ZNF623: variants seen among roughly 807,000 people sequenced by gnomAD.
ZNF623 encodes the protein zinc finger protein 623.
In ZNF623, 16 loss-of-function variants were observed where a neutral mutation model predicts 24.0. That is an observed-to-expected ratio of 0.67 (90% CI 0.45 to 1.01). ZNF623 has a LOEUF of 1.01. Ranked by LOEUF, ZNF623 falls within the 50% of genes least tolerant of loss-of-function variation. The pLI is 0.00. For synonymous variants in ZNF623, 224 were observed against 219.8 expected, an observed-to-expected ratio of 1.02 and a Z score of -0.17; for missense variants, 566 against 606.5, an observed-to-expected ratio of 0.93 and a Z score of 0.70.
At chr8:143,641,171 T>TCCTCC (rs1173475210) in intron 1 of ZNF623, among the ~76,000 whole-genome samples, 2 of 152,162 alleles carry the variant, frequency 1.3e-5, no homozygotes, top group African/African-American at 4.8e-5. Context: ...TGTTTTGACC[T>TCCTCC]CCTCCCATAA....
Position 143,650,426 on chromosome 8 carries a change from G to T in ZNF623, c.434G>T (p.Gly145Val). The T allele has an allele frequency of 6.2e-7, 1 of 1,614,132 alleles. No homozygotes were observed. Among genetic ancestry groups the T allele is most frequent in the South Asian group, 1.1e-5 (1 of 91,078 alleles). Residue 145 changes from glycine (G) to valine (V), a missense_variant, in exon 2 of 2, where the codon GGG becomes GTG. Gly to Val is a moderately radical substitution (Grantham distance 109, BLOSUM62 -3). Transcript: ENST00000526926. The surrounding 1 kb of genome is among the most constrained non-coding windows in gnomAD (Gnocchi z 5.2). Reference protein sequence around the residue: ...GERLYVCNVCGKDFIHYSGLI... With the variant: ...GERLYVCNVCVKDFIHYSGLI... ...AGACTCTACGTCTGTAATGTGTGTG[G>T]GAAAGACTTCATTCACTATTCAGGT...
At chr8:143,637,153 C>G (rs572507467) in intron 1 of ZNF623, among the ~76,000 whole-genome samples, 1 of 152,348 alleles carries the variant, frequency 6.6e-6, no homozygotes, top group South Asian at 2.1e-4. Context: ...TTCTTACCTC[C>G]CTGAACTTCC....
intron 1 of ZNF623, among the ~76,000 whole-genome samples, chr8:143,643,912 C>CTGCAGGGTAGGCTTGCAGTTTCTCT (rs1815115148): frequency 6.6e-6 from 1 of 152,214 alleles, no homozygotes; most frequent in African/African-American, 2.4e-5. Flanking sequence ...CTACAGACTT[C>CTGCAGGGTAGGCTTGCAGTTTCTCT]TGCAGGGTAG....
At position 143,651,162 on chromosome 8, in the gene ZNF623, C is replaced by T. The variant is rs764557963; in HGVS notation, c.1170C>T (p.Pro390=). The change falls in exon 2 of 2, where the codon CCC becomes CCT. Residue 390 remains proline (P), a synonymous_variant. Coordinates refer to ENST00000526926, the MANE Select transcript of ZNF623 (RefSeq NM_001261843.2). ...AGAAGATCCACTCTGGGGACAGGCC[C>T]TTCGAATGTAAAGACTGTGGGAAAG... ...EHQKIHSGDR[P]FECKDCGKAF... The T allele has an allele frequency of 6.2e-7, 1 of 1,613,966 alleles. No homozygotes were observed. The highest frequency in any genetic ancestry group is 8.5e-7 in the Non-Finnish European group (1 of 1,180,016).
At chr8:143,640,769 C>T (rs769469908) in intron 1 of ZNF623, among the ~76,000 whole-genome samples, 3 of 151,840 alleles carry the variant, frequency 2.0e-5, no homozygotes, top group Admixed American at 6.6e-5. Flanking sequence ...AGCCAAATCC[C>T]GTCTCTACTA....
intron 1 of ZNF623, among the ~76,000 whole-genome samples, chr8:143,642,096 C>T (rs1001370736): frequency 1.3e-5 from 2 of 152,214 alleles, no homozygotes; most frequent in African/African-American, 4.8e-5. Flanking sequence ...GTTTTATCCA[C>T]ACTGAAAATC....
At chr8:143,637,723 T>C (rs1352471164) in intron 1 of ZNF623, among the ~76,000 whole-genome samples, 2 of 152,158 alleles carry the variant, frequency 1.3e-5, no homozygotes, top group African/African-American at 4.8e-5. Context: ...CTAATTTTTG[T>C]ATTTTTAGTA....
In ZNF623 at chr8:143,650,589, G is replaced by C; in HGVS notation, c.597G>C (p.Glu199Asp). The change falls in exon 2 of 2, where the codon GAG becomes GAC. Residue 199 changes from glutamate to aspartate, a missense_variant. Transcript: ENST00000526926. This position sits in a 1 kb window ranked among gnomAD's most constrained non-coding sequence, Gnocchi z 5.2. ...HTRERPFECKECGKGFSQSSL... is the reference protein window; with the variant it reads ...HTRERPFECKDCGKGFSQSSL... Reference sequence around the variant, plus strand: ...GAGAGAGACCTTTTGAATGCAAAGAGTGTGGGAAAGGCTTCAGTCAGAGCT... The same window carrying C: ...GAGAGAGACCTTTTGAATGCAAAGACTGTGGGAAAGGCTTCAGTCAGAGCT... 1 of 1,614,188 alleles carries C rather than the reference G, an allele frequency of 6.2e-7. No individual in the cohort carries two copies. The highest frequency in any genetic ancestry group is 8.5e-7 in the Non-Finnish European group (1 of 1,180,034).
At chr8:143,641,110 C>G (rs1296996062) in intron 1 of ZNF623, among the ~76,000 whole-genome samples, 1 of 152,178 alleles carries the variant, frequency 6.6e-6, no homozygotes, top group African/African-American at 2.4e-5. Flanking sequence ...TCAAACCCCT[C>G]AAAGATTCAT....
At chr8:143,636,178 C>T (rs1431600603) in intron 1 of ZNF623, 33 bp downstream of exon 1, 1 of 152,066 alleles carries the variant, frequency 6.6e-6, no homozygotes, top group Non-Finnish European at 1.5e-5. Flanking sequence ...GGGCGGGCAA[C>T]GCCTTAGCCG....
intron 1 of ZNF623, among the ~76,000 whole-genome samples, chr8:143,647,153 T>TG (rs1815194482): frequency 7.5e-6 from 1 of 133,706 alleles, no homozygotes; most frequent in Non-Finnish European, 1.5e-5. Flanking sequence ...TGCTGTTTTT[T>TG]TTTTTTTTGT....
At position 143,650,880 on chromosome 8, in the gene ZNF623, G is replaced by C; in HGVS notation, c.888G>C (p.Gln296His). Residue 296 changes from glutamine (Q) to histidine (H), a missense_variant, in exon 2 of 2, where the codon CAG (glutamine) becomes CAC (histidine). This residue lies in a region of ZNF623 where 117 missense variants were observed against 174.2 expected (regional missense o/e 0.67). Transcript: ENST00000526926. The surrounding 1 kb of genome is among the most constrained non-coding windows in gnomAD (Gnocchi z 5.2). ...TTATTCGGAGTTCAAAGCTCATTCA[G>C]CATCAGAGGATCCATACTGGGGAGA... ...KAFIRSSKLI[Q>H]HQRIHTGERP... 1 of 1,614,118 alleles carries C rather than the reference G, an allele frequency of 6.2e-7. No individual in the cohort carries two copies.
intron 1 of ZNF623, among the ~76,000 whole-genome samples, chr8:143,641,284 GC>G (rs1258286896): frequency 6.6e-6 from 1 of 152,200 alleles, no homozygotes; most frequent in African/African-American, 2.4e-5. Flanking sequence ...GGCACCTACA[GC>G]CTTGTGAAAC....
intron 1 of ZNF623, among the ~76,000 whole-genome samples, chr8:143,641,359 G>C (rs1479654819): frequency 9.2e-5 from 14 of 151,972 alleles, no homozygotes; most frequent in Non-Finnish European, 1.5e-5. Context: ...AATGCACGTT[G>C]TGTTGGCAAA....
In ZNF623 at chr8:143,652,699, C is replaced by T. The variant is rs916005556; in HGVS notation, c.*1216C>T. 1 of 167,114 alleles carries T rather than the reference C, an allele frequency of 6.0e-6. No homozygotes were observed. Among genetic ancestry groups the T allele is most frequent in the Admixed American group, 6.5e-5 (1 of 15,276 alleles). 10.4% of individuals were successfully genotyped at this position (167,114 alleles called of 1,614,324 possible). On this transcript the variant is annotated 3_prime_UTR_variant, in exon 2 of 2. Coordinates refer to ENST00000526926, the MANE Select transcript of ZNF623 (RefSeq NM_001261843.2). ...GGCAGGTCTCAAGAGAAGGTCTTTA[C>T]TTACTTGTCTGTATCTTTCTGTCTC... is the stretch of plus-strand genomic sequence containing the variant.
At chr8:143,640,514 C>T (rs1223771139) in intron 1 of ZNF623, among the ~76,000 whole-genome samples, 1 of 152,244 alleles carries the variant, frequency 6.6e-6, no homozygotes, top group Non-Finnish European at 1.5e-5. Context: ...GCCTCTCAAA[C>T]CCTGCCTGTG....
rs1815156327 is a variant in ZNF623 at position 143,645,441 on chromosome 8, A to AG, written c.-95-4457_-95-4456insG. 3.9e-5 allele frequency among the ~76,000 whole-genome samples: 6 copies of AG among 152,116 alleles called. No individual in the cohort carries two copies. The South Asian group carries it at 1.0e-3, about 26-fold the overall frequency. ...ATCGAGACTCCATCTCAAAAAAAAAAAAAAGACAAATCCTCAGACTTGAGG... is the reference window on the plus strand; with the variant it reads ...ATCGAGACTCCATCTCAAAAAAAAAAGAAAAGACAAATCCTCAGACTTGAGG... On this transcript the variant is annotated intron_variant, in intron 1 of 1. Transcript: ENST00000526926.
At chr8:143,636,623 C>T (rs566990759) in intron 1 of ZNF623, among the ~76,000 whole-genome samples, 32 of 152,260 alleles carry the variant, frequency 2.1e-4, no homozygotes, top group South Asian at 1.2e-3. Flanking sequence ...GCCTCGAGGC[C>T]TCTCGGTGCT....
At chr8:143,646,546 C>CATGTGT (rs111425219) in intron 1 of ZNF623, among the ~76,000 whole-genome samples, 6 of 149,354 alleles carry the variant, frequency 4.0e-5, no homozygotes, top group African/African-American at 4.9e-5. Context: ...GGGGTGTGTG[C>CATGTGT]GTGTGTGTGT....
Sources: allele counts gnomAD v4.1 joint callset (sites outside exome capture counted in the v4.1 genomes callset), GRCh38; gene constraint gnomAD v4.1.1; regional missense constraint gnomAD v4.1.1; non-coding constraint Gnocchi (gnomAD v3.1); transcripts MANE v1.5; gene names NCBI Gene and HGNC (gene_info 2026-07-23, HGNC 2026-07-21).